The following RAD51B variants were observed in gnomAD, a reference collection of about 807,000 sequenced individuals.
RAD51B encodes DNA repair protein RAD51 homolog 2.
A neutral mutation model predicts 42.2 loss-of-function variants in RAD51B; 38 were observed. The observed-to-expected ratio is 0.90, with a 90% CI of 0.70 to 1.18. The LOEUF (loss-of-function observed/expected upper bound fraction) is 1.18. RAD51B is among the 50% of genes most tolerant of loss of function. RAD51B has a pLI of 0.00. For missense variants in RAD51B, 373 were observed against 400.7 expected (o/e 0.93, Z 0.59); for synonymous variants, 154 against 145.2 (o/e 1.06, Z -0.43).
chr14:68,394,700 G>C (rs1180298500), intron 8 of RAD51B, among the ~76,000 whole-genome samples: 4 of 152,164 alleles, frequency 2.6e-5, no homozygotes, highest in Admixed American at 2.6e-4. Context: ...TCCCAGACAG[G>C]GCTCCCCCAG....
rs539856563 is a variant in RAD51B at position 68,105,411 on chromosome 14, A to G, written c.757-186473A>G. Among the ~76,000 whole-genome samples the G allele has an allele frequency of 6.8e-4, 104 of 152,122 alleles. 1 individual carries two copies. The highest frequency in any genetic ancestry group is 2.5e-3 in the African/African-American group (104 of 41,522). ...TTTTATGTATGTATGTTATATATGT[A>G]TGATTGATTATACTTGCCTATGTAT... On this transcript the variant is annotated intron_variant, in intron 7 of 10. Transcript: ENST00000471583.
At chr14:68,624,771 T>G (rs1024984844) in intron 10 of RAD51B, among the ~76,000 whole-genome samples, 3 of 152,210 alleles carry the variant, frequency 2.0e-5, no homozygotes, top group African/African-American at 7.2e-5. Flanking sequence ...CCAGGCAATT[T>G]CGTTCCTAAG....
Position 68,195,707 on chromosome 14 carries a change from G to A in RAD51B, c.757-96177G>A, listed in dbSNP as rs543817507. 1.3e-4 allele frequency among the ~76,000 whole-genome samples: 20 copies of A among 151,784 alleles called. No homozygotes were observed. In the East Asian group the frequency reaches 3.7e-3, roughly 28 times the overall value. On this transcript the variant is annotated intron_variant, in intron 7 of 10. Transcript: ENST00000471583. Reference sequence around the variant, plus strand: ...GTGGATCACCTGAGGTCAGGAGTTCGAGACCAGCCTGACCAGCAGGGAGAA... The same window carrying A: ...GTGGATCACCTGAGGTCAGGAGTTCAAGACCAGCCTGACCAGCAGGGAGAA...
chr14:68,677,825 C>T (rs75844059), intron 11 of RAD51B, among the ~76,000 whole-genome samples: 9,533 of 152,218 alleles, frequency 0.063, 428 homozygotes, highest in Middle Eastern at 0.1. Context: ...TGCTGTAGGC[C>T]TCTTTGCAGG....
At chr14:68,275,817 C>G (rs1444723105) in intron 7 of RAD51B, among the ~76,000 whole-genome samples, 1 of 151,514 alleles carries the variant, frequency 6.6e-6, no homozygotes, top group Admixed American at 6.6e-5. Context: ...CACACACACA[C>G]ACACACACAC....
chr14:68,140,198 G>A (rs1327933163), intron 7 of RAD51B, among the ~76,000 whole-genome samples: 1 of 152,178 alleles, frequency 6.6e-6, no homozygotes, highest in Non-Finnish European at 1.5e-5. Context: ...AAAGGAGTTG[G>A]CATCAATTTA....
intron 7 of RAD51B, among the ~76,000 whole-genome samples, chr14:68,065,301 G>T (rs114294751): frequency 0.017 from 2,618 of 152,294 alleles, 70 homozygotes; most frequent in African/African-American, 0.058. Flanking sequence ...TACCTACTCA[G>T]GGTCTCCTCC....
intron 5 of RAD51B, among the ~76,000 whole-genome samples, chr14:67,879,971 A>G (rs1555409775): frequency 3.9e-5 from 6 of 152,210 alleles, no homozygotes; most frequent in Non-Finnish European, 8.8e-5. Context: ...ATTAAAATCT[A>G]TTCATCTGTC....
intron 7 of RAD51B, among the ~76,000 whole-genome samples, chr14:68,265,077 T>C (rs2080964048): frequency 6.6e-6 from 1 of 152,242 alleles, no homozygotes; most frequent in South Asian, 2.1e-4. Context: ...TTTGGCTTCC[T>C]ATCCTGTATC....
At chr14:68,528,962 G>A (rs754743477) in intron 10 of RAD51B, among the ~76,000 whole-genome samples, 13 of 152,136 alleles carry the variant, frequency 8.5e-5, no homozygotes, top group Admixed American at 2.0e-4. Context: ...ACCCTGGTCC[G>A]TCCAACTCCA....
At chr14:68,291,394 G>A (rs1046954239) in intron 7 of RAD51B, among the ~76,000 whole-genome samples, 11 of 151,476 alleles carry the variant, frequency 7.3e-5, no homozygotes, top group African/African-American at 2.7e-4. Context: ...GTAGAGACTG[G>A]CCTTCTCCAT....
At chr14:67,981,541 A>G (rs1166752738) in intron 7 of RAD51B, among the ~76,000 whole-genome samples, 1 of 152,236 alleles carries the variant, frequency 6.6e-6, no homozygotes, top group East Asian at 1.9e-4. Flanking sequence ...ATAATAGCCA[A>G]AAATGAAGTC....
intron 10 of RAD51B, among the ~76,000 whole-genome samples, chr14:68,589,266 T>A (rs150212626): frequency 7.2e-4 from 109 of 152,268 alleles, no homozygotes; most frequent in Admixed American, 1.2e-3. Flanking sequence ...TAGCCTCTGT[T>A]GAAAATTACA....
chr14:68,067,324 C>T (rs989344635), intron 7 of RAD51B, among the ~76,000 whole-genome samples: 1 of 151,488 alleles, frequency 6.6e-6, no homozygotes, highest in African/African-American at 2.4e-5. Context: ...ATTAGCCAGG[C>T]GTGGTGGCAG....
chr14:68,105,870 G>A lies in RAD51B; in HGVS notation c.757-186014G>A, dbSNP rs1331867014. ...AGGATTATATACCTTCTATTTATTG[G>A]GTCCTCTAAAAGATCATCTTCCTTT... is the stretch of plus-strand genomic sequence containing the variant. On this transcript the variant is annotated intron_variant, in intron 7 of 10. Transcript: ENST00000471583. 4.0e-5 allele frequency among the ~76,000 whole-genome samples: 6 copies of A among 151,814 alleles called. No individual in the cohort carries two copies. In the South Asian group the frequency reaches 8.3e-4, roughly 21 times the overall value.
intron 7 of RAD51B, among the ~76,000 whole-genome samples, chr14:67,978,899 C>G (rs1176823520): frequency 6.6e-6 from 1 of 152,182 alleles, no homozygotes; most frequent in Non-Finnish European, 1.5e-5. Context: ...TATTGACTAA[C>G]TTTTGCCACA....
intron 9 of RAD51B, among the ~76,000 whole-genome samples, chr14:68,436,166 G>C (rs1383889529): frequency 6.6e-6 from 1 of 152,168 alleles, no homozygotes; most frequent in Non-Finnish European, 1.5e-5. Context: ...CTACATTTAA[G>C]CATTTAATCC....
chr14:68,594,187 C>T (rs1429807388), intron 10 of RAD51B, among the ~76,000 whole-genome samples: 1 of 149,832 alleles, frequency 6.7e-6, no homozygotes, highest in East Asian at 2.0e-4. Flanking sequence ...GCATTTGAGA[C>T]CACAATTTCC....
intron 7 of RAD51B, among the ~76,000 whole-genome samples, chr14:67,993,969 G>A (rs1303496956): frequency 1.3e-5 from 2 of 152,030 alleles, no homozygotes; most frequent in Non-Finnish European, 2.9e-5. Flanking sequence ...ATAACTGTTA[G>A]TATATATAAT....
Sources: allele counts gnomAD v4.1 joint callset (sites outside exome capture counted in the v4.1 genomes callset), GRCh38; gene constraint gnomAD v4.1.1; transcripts MANE v1.5; gene names NCBI Gene and HGNC (gene_info 2026-07-23, HGNC 2026-07-21).